Variants in PITPNM2 observed in about 807,000 individuals in gnomAD.
The protein encoded by PITPNM2 is phosphatidylinositol transfer protein membrane associated 2.
Under a neutral mutation model 132.2 loss-of-function variants are expected in PITPNM2, and 35 were observed. The observed-to-expected ratio is 0.26, with a 90% CI of 0.20 to 0.35. The LOEUF (loss-of-function observed/expected upper bound fraction) is 0.35. Ranked by LOEUF, PITPNM2 falls within the 10% of genes least tolerant of loss-of-function variation. PITPNM2 has a pLI of 1.00. For missense variants in PITPNM2, 1,332 were observed against 1,912.0 expected, an observed-to-expected ratio of 0.70 and a Z score of 5.66; for synonymous variants, 738 against 799.2, an observed-to-expected ratio of 0.92 and a Z score of 1.29.
rs2040090638 is a variant in PITPNM2 at position 123,031,591 on chromosome 12, C to A, written c.78+2922G>T. 6.6e-6 allele frequency among the ~76,000 whole-genome samples: 1 copy of A among 152,152 alleles called. No individual in the cohort carries two copies. The highest frequency in any genetic ancestry group is 1.5e-5 in the Non-Finnish European group (1 of 68,026). ...AGAGGACACAGGTGCAGGGCACTAG[C>A]ACCTGTGATGTGCAGCAGACCCCCT... On this transcript the variant is annotated intron_variant, in intron 3 of 25. Coordinates refer to ENST00000320201, the MANE Select transcript of PITPNM2 (RefSeq NM_020845.3). This position sits in a 1 kb window ranked among gnomAD's most constrained non-coding sequence, Gnocchi z 4.5.
chr12:123,014,617 G>A (rs1412925315), intron 3 of PITPNM2, among the ~76,000 whole-genome samples: 1 of 152,110 alleles, frequency 6.6e-6, no homozygotes, highest in Non-Finnish European at 1.5e-5. Context: ...CAGGAGAATC[G>A]CTTGAACCCG....
At chr12:123,007,726 A>C (rs2039002915) in intron 6 of PITPNM2, among the ~76,000 whole-genome samples, 1 of 152,112 alleles carries the variant, frequency 6.6e-6, no homozygotes, top group South Asian at 2.1e-4. Flanking sequence ...CTGGCCTCAC[A>C]GGGCTGCCAG....
chr12:122,994,746 C>G lies in PITPNM2; in HGVS notation c.2233+55G>C, dbSNP rs905802453. 5.0e-5 allele frequency: 77 copies of G among 1,537,352 alleles called. No individual in the cohort carries two copies. Among genetic ancestry groups the G allele is most frequent in the Non-Finnish European group, 6.5e-5 (74 of 1,143,818 alleles). On this transcript the variant is annotated intron_variant, in intron 15 of 25. Transcript: ENST00000320201. This position sits in a 1 kb window ranked among gnomAD's most constrained non-coding sequence, Gnocchi z 5.4. ...CTCATCACAGGGGTCCACTGAGACC[C>G]CCGCCCCCGCACCCAGTGCATGTAC...
chr12:123,070,600 C>T (rs1369762748), intron 2 of PITPNM2, among the ~76,000 whole-genome samples: 2 of 152,188 alleles, frequency 1.3e-5, no homozygotes, highest in African/African-American at 4.8e-5. Context: ...CACTGGCTGC[C>T]CTGAGGAGCA....
In PITPNM2 at chr12:122,993,107, G is replaced by A. The variant is rs775897469; in HGVS notation, c.2234-438C>T. Among the ~76,000 whole-genome samples the A allele has an allele frequency of 6.6e-6, 1 of 152,168 alleles. No individual in the cohort carries two copies. Among genetic ancestry groups the A allele is most frequent in the Non-Finnish European group, 1.5e-5 (1 of 68,024 alleles). ...CTCCCAAAGTGCTGGGATTACAGGC[G>A]TGAGCCACCACGCCTGACCTCTAAT... On this transcript the variant is annotated intron_variant, in intron 15 of 25. Coordinates refer to ENST00000320201, the MANE Select transcript of PITPNM2 (RefSeq NM_020845.3). The surrounding 1 kb of genome is among the most constrained non-coding windows in gnomAD (Gnocchi z 5.2).
chr12:123,080,916 C>T (rs1418888180), intron 2 of PITPNM2, among the ~76,000 whole-genome samples: 2 of 152,238 alleles, frequency 1.3e-5, no homozygotes, highest in African/African-American at 4.8e-5. Flanking sequence ...GTGCAGCTGC[C>T]GTGACCTGCC....
At position 122,993,106 on chromosome 12, in the gene PITPNM2, C is replaced by T. The variant is rs1226121530; in HGVS notation, c.2234-437G>A. ...CCTCCCAAAGTGCTGGGATTACAGG[C>T]GTGAGCCACCACGCCTGACCTCTAA... On this transcript the variant is annotated intron_variant, in intron 15 of 25. Transcript: ENST00000320201. This position sits in a 1 kb window ranked among gnomAD's most constrained non-coding sequence, Gnocchi z 5.2. 2.0e-5 allele frequency among the ~76,000 whole-genome samples: 3 copies of T among 152,286 alleles called. No individual in the cohort carries two copies. The East Asian group carries it at 5.8e-4, about 29-fold the overall frequency.
rs988452876 is a variant in PITPNM2, at chr12:123,111,612, C to T, written c.-199-1124G>A. Among the ~76,000 whole-genome samples, 6 of 152,180 alleles carry T rather than the reference C, an allele frequency of 3.9e-5. No individual in the cohort carries two copies. Among genetic ancestry groups the T allele is most frequent in the Admixed American group, 2.6e-4 (4 of 15,286 alleles). ...GGGAGGTGTGGCTGCAGGGAGCGGGCGGCTCTTCCAACCCCGCCACCGCCA... is the reference window on the plus strand; with the variant it reads ...GGGAGGTGTGGCTGCAGGGAGCGGGTGGCTCTTCCAACCCCGCCACCGCCA... On this transcript the variant is annotated intron_variant, in intron 1 of 25. Coordinates refer to ENST00000320201, the MANE Select transcript of PITPNM2 (RefSeq NM_020845.3). This position sits in a 1 kb window ranked among gnomAD's most constrained non-coding sequence, Gnocchi z 4.1.
chr12:123,042,813 C>T (rs1022501758), intron 2 of PITPNM2, among the ~76,000 whole-genome samples: 1 of 152,114 alleles, frequency 6.6e-6, no homozygotes, highest in Non-Finnish European at 1.5e-5. Context: ...CCCAGGCCTC[C>T]CCTAACCATC....
In PITPNM2 at chr12:122,994,932, C is replaced by A; in HGVS notation, c.2102G>T (p.Ser701Ile). 4.3e-6 allele frequency: 7 copies of A among 1,611,574 alleles called. 1 individual carries two copies. In the Middle Eastern group the frequency reaches 1.2e-3, roughly 266 times the overall value. The change falls in exon 15 of 26, where the codon AGC becomes ATC. Residue 701 changes from serine to isoleucine, a missense_variant. By Grantham distance (142) the Ser-to-Ile change is moderately radical. Coordinates refer to ENST00000320201, the MANE Select transcript of PITPNM2 (RefSeq NM_020845.3). This position sits in a 1 kb window ranked among gnomAD's most constrained non-coding sequence, Gnocchi z 5.4. ...LRTEPCSRHS[S>I]SSTMLDGTGA... ...TGTGCCATCCAGCATGGTGGAGCTG[C>A]TGGAATGGCGTGAGCAGGGCTCAGT...
chr12:123,090,539 T>A (rs1593006287), intron 2 of PITPNM2: 1 of 152,080 alleles, frequency 6.6e-6, no homozygotes, highest in African/African-American at 2.4e-5. Flanking sequence ...ATTTTTTTTT[T>A]TTTTTGTATT....
Position 123,004,198 on chromosome 12 carries a change from G to A in PITPNM2, c.1048+196C>T, listed in dbSNP as rs972358270. ...TGAGACCCCAGACTCAAGGGAACAA[G>A]ATGACCTCATCTCATCCTCTGTGCA... On this transcript the variant is annotated intron_variant, in intron 8 of 25. Transcript: ENST00000320201. This position sits in a 1 kb window ranked among gnomAD's most constrained non-coding sequence, Gnocchi z 4.9. Among the ~76,000 whole-genome samples, 3 of 152,152 alleles carry A rather than the reference G, an allele frequency of 2.0e-5. No individual in the cohort carries two copies. Among genetic ancestry groups the A allele is most frequent in the Non-Finnish European group, 2.9e-5 (2 of 68,032 alleles).
chr12:123,033,356 C>T (rs949052396), intron 3 of PITPNM2, among the ~76,000 whole-genome samples: 12 of 152,200 alleles, frequency 7.9e-5, no homozygotes, highest in Admixed American at 2.0e-4. Flanking sequence ...GGAACCTCTA[C>T]ATAGAAAGGA....
chr12:123,136,679 C>T (rs1052061015), intron 1 of PITPNM2, among the ~76,000 whole-genome samples: 5 of 152,014 alleles, frequency 3.3e-5, no homozygotes, highest in African/African-American at 9.7e-5. Flanking sequence ...GGGTGGATCA[C>T]GAGGTCAGGA....
chr12:123,001,486 C>T (rs769043877), intron 8 of PITPNM2, among the ~76,000 whole-genome samples: 1 of 152,228 alleles, frequency 6.6e-6, no homozygotes, highest in Non-Finnish European at 1.5e-5. Context: ...TTCCTTGGCC[C>T]CTGGCCACCA....
At chr12:123,079,058 C>T (rs993025498) in intron 2 of PITPNM2, among the ~76,000 whole-genome samples, 1 of 152,220 alleles carries the variant, frequency 6.6e-6, no homozygotes, top group Admixed American at 6.5e-5. Context: ...GGCACTCAGA[C>T]GTGGCAGGAC....
intron 2 of PITPNM2, among the ~76,000 whole-genome samples, chr12:123,103,424 T>A (rs1173915443): frequency 1.3e-5 from 2 of 152,196 alleles, no homozygotes; most frequent in Non-Finnish European, 2.9e-5. Context: ...AGGCCTGACA[T>A]CGTCAAGACT....
rs1003903947 is a variant in PITPNM2 at position 123,106,565 on chromosome 12, G to A, written c.-96+3820C>T. On this transcript the variant is annotated intron_variant, in intron 2 of 25. Coordinates refer to ENST00000320201, the MANE Select transcript of PITPNM2 (RefSeq NM_020845.3). The surrounding 1 kb of genome is among the most constrained non-coding windows in gnomAD (Gnocchi z 4.4). The stretch of plus-strand genomic sequence containing the variant: ...CAGCAATTTCTGGCTAAAGCCCTGC[G>A]TACTGAGCAGCGTCAGGTGTGTGTC... 5.9e-5 allele frequency among the ~76,000 whole-genome samples: 9 copies of A among 152,196 alleles called. No homozygotes were observed. The highest frequency in any genetic ancestry group is 2.1e-4 in the South Asian group (1 of 4,830).
intron 3 of PITPNM2, among the ~76,000 whole-genome samples, chr12:123,017,555 C>A (rs570237784): frequency 3.3e-5 from 5 of 152,162 alleles, no homozygotes; most frequent in Admixed American, 6.5e-5. Flanking sequence ...CACAGAAAAA[C>A]CTGTACACCA....
Sources: allele counts gnomAD v4.1 joint callset (sites outside exome capture counted in the v4.1 genomes callset), GRCh38; gene constraint gnomAD v4.1.1; non-coding constraint Gnocchi (gnomAD v3.1); transcripts MANE v1.5; gene names NCBI Gene and HGNC (gene_info 2026-07-23, HGNC 2026-07-21).